ADGRA3: variants seen among roughly 807,000 people sequenced by gnomAD.
ADGRA3 encodes the protein G-protein coupled receptor 125.
In ADGRA3, 56 loss-of-function variants were observed where a neutral mutation model predicts 119.8. That is an observed-to-expected ratio of 0.47 (90% confidence interval 0.38 to 0.58). ADGRA3 has a LOEUF of 0.58. Ranked by LOEUF, ADGRA3 falls within the 20% of genes least tolerant of loss-of-function variation. The pLI is 0.00. For missense variants in ADGRA3, 1,516 were observed against 1,649.0 expected (o/e 0.92, Z 1.40); for synonymous variants, 607 against 623.8 (o/e 0.97, Z 0.40).
chr4:22,511,486 C>T (rs141942947), intron 1 of ADGRA3, among the ~76,000 whole-genome samples: 46 of 152,204 alleles, frequency 3.0e-4, no homozygotes, highest in African/African-American at 1.0e-3. Flanking sequence ...AAGGATCTGA[C>T]TTTTAGGCTA....
chr4:22,405,383 T>C (rs1199942314), intron 14 of ADGRA3, among the ~76,000 whole-genome samples: 1 of 151,276 alleles, frequency 6.6e-6, no homozygotes, highest in East Asian at 1.9e-4. Context: ...CTGCAAAAAA[T>C]AAAAATAAAA....
In ADGRA3 at chr4:22,387,870, C is replaced by T; in HGVS notation, c.3801G>A (p.Arg1267=). The change falls in exon 19 of 19, where the codon AGG becomes AGA. Residue 1267 remains arginine (R), a synonymous_variant. Coordinates refer to ENST00000334304, the MANE Select transcript of ADGRA3 (RefSeq NM_145290.4). The stretch of plus-strand genomic sequence containing the variant: ...TTTCAAGTTCAACCACAGCTGGCTT[C>T]CTTAACGCATCTTTTTTACTAGTGG... ...VSTTSKKDAL[R]KPAVVELENQ... 1 of 1,614,128 alleles carries T rather than the reference C, an allele frequency of 6.2e-7. No homozygotes were observed. Among genetic ancestry groups the T allele is most frequent in the Non-Finnish European group, 8.5e-7 (1 of 1,180,000 alleles).
chr4:22,421,047 T>C lies in ADGRA3; in HGVS notation c.1648A>G (p.Thr550Ala), dbSNP rs762271006. 11 of 1,613,874 alleles carry C rather than the reference T, an allele frequency of 6.8e-6. No individual in the cohort carries two copies. The highest frequency in any genetic ancestry group is 1.7e-5 in the Admixed American group (1 of 59,984). The change falls in exon 12 of 19, where the codon ACT becomes GCT. Residue 550 changes from threonine to alanine, a missense_variant. Around this residue, in one of 2 missense-constraint regions of ADGRA3, gnomAD observed 1,088 missense variants for 1,107.1 expected, o/e 0.98. Transcript: ENST00000334304. ...IALEAYVIKSTGFTGMTCTVF... is the reference protein window; with the variant it reads ...IALEAYVIKSAGFTGMTCTVF... ...GTACAGGTCATCCCCGTGAAGCCAG[T>C]AGACTTGATGACATAAGCTTCCAGA...
chr4:22,394,961 T>C (rs1245897737), intron 16 of ADGRA3: 3 of 152,210 alleles, frequency 2.0e-5, no homozygotes, highest in African/African-American at 7.2e-5. Context: ...GATTTTTTAA[T>C]CTTTTGGAAT....
chr4:22,492,167 T>G (rs1718644404), intron 1 of ADGRA3, among the ~76,000 whole-genome samples: 1 of 152,140 alleles, frequency 6.6e-6, no homozygotes, highest in Non-Finnish European at 1.5e-5. Context: ...AATGCAGGAA[T>G]GCGGAGGCGA....
intron 1 of ADGRA3, among the ~76,000 whole-genome samples, chr4:22,479,577 A>G (rs2109131223): frequency 6.6e-6 from 1 of 152,336 alleles, no homozygotes; most frequent in Middle Eastern, 3.4e-3. Context: ...CCATTGTAGA[A>G]GACAGCATGG....
intron 10 of ADGRA3, among the ~76,000 whole-genome samples, chr4:22,434,996 A>G (rs544501674): frequency 1.1e-3 from 170 of 152,320 alleles, no homozygotes; most frequent in African/African-American, 3.9e-3. Flanking sequence ...GAAATCCAGC[A>G]GGCTGAGCTA....
intron 10 of ADGRA3, among the ~76,000 whole-genome samples, chr4:22,424,715 C>G (rs946811961): frequency 7.9e-5 from 12 of 152,148 alleles, no homozygotes; most frequent in Admixed American, 6.5e-5. Flanking sequence ...ATCTAGAAAA[C>G]CATTTATAAA....
chr4:22,409,701 T>C (rs1324626619), intron 14 of ADGRA3, among the ~76,000 whole-genome samples: 1 of 152,170 alleles, frequency 6.6e-6, no homozygotes, highest in East Asian at 1.9e-4. Flanking sequence ...TAAGATACAT[T>C]ATCACCATCA....
chr4:22,467,701 C>T (rs1284625854), intron 2 of ADGRA3, among the ~76,000 whole-genome samples: 1 of 152,050 alleles, frequency 6.6e-6, no homozygotes, highest in Admixed American at 6.5e-5. Flanking sequence ...TAATAATAGC[C>T]ATATTAATCA....
intron 10 of ADGRA3, among the ~76,000 whole-genome samples, chr4:22,433,271 C>T (rs1716259011): frequency 6.6e-6 from 1 of 152,150 alleles, no homozygotes; most frequent in South Asian, 2.1e-4. Flanking sequence ...TAAATTTTTA[C>T]AGAACTAACT....
chr4:22,485,104 C>A lies in ADGRA3; in HGVS notation c.258-11261G>T, dbSNP rs190166811. ...CACACCAGCACTTTTTTTTTTGAGA[C>A]AGGGTCTCGCTCTGTCACCCACGCC... is the stretch of plus-strand genomic sequence containing the variant. On this transcript the variant is annotated intron_variant, in intron 1 of 18. Coordinates refer to ENST00000334304, the MANE Select transcript of ADGRA3 (RefSeq NM_145290.4). 1.9e-3 allele frequency among the ~76,000 whole-genome samples: 287 copies of A among 151,994 alleles called. 1 individual carries two copies. The highest frequency in any genetic ancestry group is 6.2e-3 in the African/African-American group (258 of 41,478).
At chr4:22,510,669 C>T (rs1719418758) in intron 1 of ADGRA3, among the ~76,000 whole-genome samples, 1 of 152,184 alleles carries the variant, frequency 6.6e-6, no homozygotes, top group Non-Finnish European at 1.5e-5. Flanking sequence ...CAGCCACCAC[C>T]TGCCACCCTT....
chr4:22,401,391 C>T, intron 16 of ADGRA3, 40 bp downstream of exon 16: 1 of 1,537,578 alleles, frequency 6.5e-7, no homozygotes, highest in Non-Finnish European at 8.8e-7. Flanking sequence ...TCTTCTAATA[C>T]CAGTAATTTT....
chr4:22,435,873 T>C (rs1036652901), intron 9 of ADGRA3, among the ~76,000 whole-genome samples: 8 of 152,162 alleles, frequency 5.3e-5, no homozygotes, highest in African/African-American at 1.9e-4. Flanking sequence ...TTGGCACTTA[T>C]CTTTATTGCC....
chr4:22,512,558 G>A (rs1356372123), intron 1 of ADGRA3, among the ~76,000 whole-genome samples: 1 of 152,078 alleles, frequency 6.6e-6, no homozygotes, highest in African/African-American at 2.4e-5. Flanking sequence ...CTGGACCTAG[G>A]GTGGACCCTA....
chr4:22,392,867 T>A (rs1714194482), intron 16 of ADGRA3, 177 bp from the exon 17 acceptor site: 1 of 552,816 alleles, frequency 1.8e-6, no homozygotes, highest in South Asian at 2.7e-5. Context: ...TGACAGGGAA[T>A]CACAATCCTC....
At position 22,461,730 on chromosome 4, in the gene ADGRA3, C is replaced by A; in HGVS notation, c.401+7G>T. 6.3e-7 allele frequency: 1 copy of A among 1,586,160 alleles called. No individual in the cohort carries two copies. The highest frequency in any genetic ancestry group is 8.6e-7 in the Non-Finnish European group (1 of 1,159,496). ...CAAACTCGTAAGCAAGCAATTCAAA[C>A]ACTTACAATCTTTTTAGAGATGACA... On this transcript the variant is annotated splice_region_variant and intron_variant, in intron 3 of 18. Coordinates refer to ENST00000334304, the MANE Select transcript of ADGRA3 (RefSeq NM_145290.4).
At chr4:22,455,265 C>T (rs985839276) in intron 3 of ADGRA3, among the ~76,000 whole-genome samples, 3 of 152,158 alleles carry the variant, frequency 2.0e-5, no homozygotes, top group African/African-American at 7.2e-5. Flanking sequence ...CAATACAATT[C>T]CTTAGATGAC....
Sources: allele counts gnomAD v4.1 joint callset (sites outside exome capture counted in the v4.1 genomes callset), GRCh38; gene constraint gnomAD v4.1.1; regional missense constraint gnomAD v4.1.1; transcripts MANE v1.5; gene names NCBI Gene and HGNC (gene_info 2026-07-23, HGNC 2026-07-21).